The following SLC30A8 variants were observed in gnomAD, a reference collection of about 807,000 sequenced individuals.
SLC30A8 encodes proton-coupled zinc antiporter SLC30A8.
SLC30A8 carries 27 observed loss-of-function variants against 36.9 expected under a neutral mutation model. The ratio of observed to expected loss-of-function variants is 0.73; its 90% CI spans 0.54 to 1.01. The LOEUF (loss-of-function observed/expected upper bound fraction) is 1.01, where lower values mean the gene tolerates loss of function less well. Ranked by LOEUF, SLC30A8 falls within the 50% of genes least tolerant of loss-of-function variation. The pLI, the probability that SLC30A8 is intolerant of heterozygous loss-of-function variation, is 0.00. For synonymous variants in SLC30A8, 164 were observed against 172.4 expected, an observed-to-expected ratio of 0.95 and a Z score of 0.38; for missense variants, 439 against 452.0, an observed-to-expected ratio of 0.97 and a Z score of 0.26.
At chr8:116,975,123 G>A (rs1814943304) in intron 1 of SLC30A8, among the ~76,000 whole-genome samples, 2 of 151,914 alleles carry the variant, frequency 1.3e-5, no homozygotes, top group Admixed American at 1.3e-4. Flanking sequence ...CACCAACATG[G>A]CACATGTGTA....
At chr8:117,112,206 G>A (rs890514895) in intron 2 of SLC30A8, among the ~76,000 whole-genome samples, 2 of 152,080 alleles carry the variant, frequency 1.3e-5, no homozygotes, top group African/African-American at 2.4e-5. Context: ...TCCTGAGATA[G>A]GTTCAACATG....
intron 1 of SLC30A8, among the ~76,000 whole-genome samples, chr8:116,969,086 G>A (rs1814697081): frequency 6.6e-6 from 1 of 152,080 alleles, no homozygotes; most frequent in Non-Finnish European, 1.5e-5. Context: ...ATGGACTTTT[G>A]AGCCTGGGTT....
At chr8:117,126,150 G>A (rs10505313) in intron 2 of SLC30A8, among the ~76,000 whole-genome samples, 32,444 of 151,750 alleles carry the variant, frequency 0.21, 3,614 homozygotes, top group East Asian at 0.33. Flanking sequence ...CCAATCAAGT[G>A]TAGCTTTTTC....
chr8:117,002,916 T>G (rs1384057208), intron 1 of SLC30A8, among the ~76,000 whole-genome samples: 2 of 152,216 alleles, frequency 1.3e-5, no homozygotes, highest in Admixed American at 6.5e-5. Context: ...AGATGTTATT[T>G]TTTTTTAGCA....
chr8:117,157,662 T>A, intron 3 of SLC30A8, 29 bp from the exon 4 acceptor site: 5 of 1,612,682 alleles, frequency 3.1e-6, no homozygotes, highest in Non-Finnish European at 4.2e-6. Flanking sequence ...TATCTGTGTG[T>A]GGGTTTCTGT....
At chr8:116,960,445 G>A (rs1215611039) in intron 1 of SLC30A8, among the ~76,000 whole-genome samples, 1 of 152,108 alleles carries the variant, frequency 6.6e-6, no homozygotes, top group African/African-American at 2.4e-5. Context: ...GGGACATTGT[G>A]GTAAGAAGTT....
At chr8:117,077,427 A>G (rs1554580921) in intron 2 of SLC30A8, among the ~76,000 whole-genome samples, 1 of 152,162 alleles carries the variant, frequency 6.6e-6, no homozygotes, top group Non-Finnish European at 1.5e-5. Context: ...TACTTTTTCA[A>G]TTGAACTTTT....
At chr8:117,132,372 TC>T (rs1821170444), upstream of SLC30A8, among the ~76,000 whole-genome samples, 1 of 152,050 alleles carries the variant, frequency 6.6e-6, no homozygotes, top group African/African-American at 2.4e-5. Flanking sequence ...AACCAGTTCT[TC>T]AGTGATGTTG....
At chr8:117,105,789 C>T (rs890356241) in intron 2 of SLC30A8, among the ~76,000 whole-genome samples, 2 of 152,130 alleles carry the variant, frequency 1.3e-5, no homozygotes, top group Non-Finnish European at 2.9e-5. Context: ...CACAGCTGCA[C>T]CTAGATTAGT....
intron 1 of SLC30A8, among the ~76,000 whole-genome samples, chr8:116,976,229 G>T (rs1469144970): frequency 1.3e-5 from 2 of 150,138 alleles, no homozygotes; most frequent in Non-Finnish European, 3.0e-5. Flanking sequence ...AGTGAAGCTG[G>T]TAAGTTCTCT....
rs560031796 is a variant in SLC30A8 at position 116,960,579 on chromosome 8, A to G, written c.-266+9460A>G. On this transcript the variant is annotated intron_variant, in intron 1 of 10. Transcript: ENST00000427715. Reference sequence around the variant, plus strand: ...CCCCAGTCCATAGACTTGTCTCCACATACAACGTCGCAGTAAGAGGTAGAA... The same window carrying G: ...CCCCAGTCCATAGACTTGTCTCCACGTACAACGTCGCAGTAAGAGGTAGAA... 7.9e-5 allele frequency among the ~76,000 whole-genome samples: 12 copies of G among 152,356 alleles called. No homozygotes were observed. In the East Asian group the frequency reaches 2.1e-3, roughly 27 times the overall value.
rs529951307 is a variant in SLC30A8, at chr8:116,975,188, T to TA, written c.-266+24076dup. On this transcript the variant is annotated intron_variant, in intron 1 of 10. Coordinates refer to the SLC30A8 transcript ENST00000427715. ...ATGTACCCTAGAACTTAAAGTATAA[T>TA]AAAAAAAGATAAGCTCTTTTCCTTA... Among the ~76,000 whole-genome samples the TA allele has an allele frequency of 2.2e-4, 34 of 152,034 alleles. No homozygotes were observed. In the East Asian group the frequency reaches 2.5e-3, roughly 11 times the overall value.
chr8:116,978,819 C>CAT (rs1305512524), intron 1 of SLC30A8, among the ~76,000 whole-genome samples: 2 of 152,070 alleles, frequency 1.3e-5, no homozygotes, highest in African/African-American at 2.4e-5. Context: ...AAGAATGCTT[C>CAT]ATATATATAT....
intron 2 of SLC30A8, among the ~76,000 whole-genome samples, chr8:117,098,031 T>A (rs1170085936): frequency 2.3e-4 from 31 of 133,944 alleles, no homozygotes; most frequent in African/African-American, 7.8e-4. Flanking sequence ...ATAAATATAT[T>A]AAATAAATAT....
intron 1 of SLC30A8, among the ~76,000 whole-genome samples, chr8:117,143,819 A>G (rs1309874581): frequency 3.9e-5 from 6 of 152,098 alleles, no homozygotes; most frequent in African/African-American, 1.4e-4. Flanking sequence ...TTAACCTTAG[A>G]ACCCAAGACA....
chr8:116,977,135 T>G (rs903872731), intron 1 of SLC30A8, among the ~76,000 whole-genome samples: 1 of 109,758 alleles, frequency 9.1e-6, no homozygotes, highest in Non-Finnish European at 1.8e-5. Context: ...CTTTTTCTTT[T>G]TCTTGCTTTT....
intron 6 of SLC30A8, among the ~76,000 whole-genome samples, chr8:117,164,788 G>A (rs1822978952): frequency 6.6e-6 from 1 of 152,038 alleles, no homozygotes; most frequent in African/African-American, 2.4e-5. Flanking sequence ...GCCCCGAGTA[G>A]GATCTTATGT....
intron 1 of SLC30A8, among the ~76,000 whole-genome samples, chr8:116,982,134 C>T (rs542405068): frequency 6.6e-6 from 1 of 152,128 alleles, no homozygotes; most frequent in East Asian, 1.9e-4. Flanking sequence ...GATGGTATCT[C>T]ATTGTGGTTT....
intron 1 of SLC30A8, among the ~76,000 whole-genome samples, chr8:116,980,204 A>C (rs1815205306): frequency 6.6e-6 from 1 of 152,108 alleles, no homozygotes. Context: ...TTGATGCATC[A>C]CTTTTTTTGG....
Sources: gnomAD v4.1 joint callset for allele counts (sites outside exome capture counted in the v4.1 genomes callset) on GRCh38, gnomAD v4.1.1 for gene constraint, MANE v1.5 for transcripts, NCBI Gene and HGNC (gene_info 2026-07-23, HGNC 2026-07-21) for gene names.